The following LYPLAL1 variants were observed in gnomAD, a reference collection of about 807,000 sequenced individuals.
LYPLAL1 encodes the protein lysophospholipase-like protein 1.
A neutral mutation model predicts 19.7 loss-of-function variants in LYPLAL1; 23 were observed. The ratio of observed to expected loss-of-function variants is 1.17; its 90% CI spans 0.84 to 1.65. The LOEUF (loss-of-function observed/expected upper bound fraction) is 1.65, where lower values mean the gene tolerates loss of function less well. Among genes scored for constraint, LYPLAL1 ranks in the 40% most tolerant of loss-of-function variants. LYPLAL1 has a pLI of 0.00. For synonymous variants in LYPLAL1, 119 were observed against 96.3 expected, an observed-to-expected ratio of 1.24 and a Z score of -1.38; for missense variants, 355 against 279.4, an observed-to-expected ratio of 1.27 and a Z score of -1.93.
At chr1:219,196,147 G>A (rs1292120845) in intron 3 of LYPLAL1, among the ~76,000 whole-genome samples, 1 of 152,134 alleles carries the variant, frequency 6.6e-6, no homozygotes, top group Non-Finnish European at 1.5e-5. Context: ...ATGTGTGCAT[G>A]TATCTTTATA....
chr1:219,439,625 T>A, the LYPLAL1 span, among the ~76,000 whole-genome samples: 1 of 152,084 alleles, frequency 6.6e-6, no homozygotes, highest in African/African-American at 2.4e-5. Context: ...ACTCCTAGGA[T>A]TGGGCCACAC....
chr1:219,274,419 T>C, the LYPLAL1 span, among the ~76,000 whole-genome samples: 1 of 152,180 alleles, frequency 6.6e-6, no homozygotes, highest in South Asian at 2.1e-4. Flanking sequence ...GGAGTCTTGC[T>C]CTGTCTCCCA....
chr1:219,308,568 C>T, the LYPLAL1 span, among the ~76,000 whole-genome samples: 1 of 152,134 alleles, frequency 6.6e-6, no homozygotes, highest in Non-Finnish European at 1.5e-5. Context: ...GACTTGGTGC[C>T]CTGTGTCTCA....
chr1:219,232,878 AG>A, the LYPLAL1 span, among the ~76,000 whole-genome samples: 12 of 151,436 alleles, frequency 7.9e-5, no homozygotes, highest in African/African-American at 2.7e-4. Context: ...AAAAAAAAAA[AG>A]GAAAATAACA....
intron 2 of LYPLAL1, among the ~76,000 whole-genome samples, chr1:219,188,138 A>G (rs370604875): frequency 1.3e-5 from 2 of 151,820 alleles, no homozygotes; most frequent in East Asian, 3.9e-4. Flanking sequence ...TTTAGCATCT[A>G]TTCTATGTCA....
the LYPLAL1 span, among the ~76,000 whole-genome samples, chr1:219,430,375 A>G: frequency 6.7e-6 from 1 of 148,172 alleles, no homozygotes; most frequent in East Asian, 2.1e-4. Context: ...ATGCTTTGAG[A>G]GGTTACTTCG....
the LYPLAL1 span, among the ~76,000 whole-genome samples, chr1:219,370,815 G>T: frequency 5.8e-4 from 89 of 152,266 alleles, 1 homozygote; most frequent in Admixed American, 5.9e-4. Flanking sequence ...ATCACCCCAA[G>T]AAATTGGGCT....
chr1:219,384,052 C>T, the LYPLAL1 span, among the ~76,000 whole-genome samples: 1 of 152,160 alleles, frequency 6.6e-6, no homozygotes, highest in Non-Finnish European at 1.5e-5. Context: ...CCTTCACAGC[C>T]CATATGTCTT....
the LYPLAL1 span, among the ~76,000 whole-genome samples, chr1:219,317,300 C>T: frequency 3.3e-5 from 5 of 152,190 alleles, no homozygotes; most frequent in Non-Finnish European, 5.9e-5. Context: ...TCATCTTTCA[C>T]TATTTCGTGT....
the LYPLAL1 span, among the ~76,000 whole-genome samples, chr1:219,221,047 C>T: frequency 6.6e-6 from 1 of 152,176 alleles, no homozygotes; most frequent in Non-Finnish European, 1.5e-5. Flanking sequence ...CATTGCAAGA[C>T]AACCAGGTCA....
chr1:219,394,885 C>T, the LYPLAL1 span, among the ~76,000 whole-genome samples: 19 of 152,074 alleles, frequency 1.2e-4, no homozygotes, highest in Admixed American at 3.3e-4. Context: ...ATGTGGTATT[C>T]GACTTTCTGT....
the LYPLAL1 span, among the ~76,000 whole-genome samples, chr1:219,251,648 TG>T: frequency 6.6e-6 from 1 of 152,004 alleles, no homozygotes; most frequent in East Asian, 1.9e-4. Flanking sequence ...TGCCTCTTTT[TG>T]TATCAGTACC....
chr1:219,444,427 A>G, the LYPLAL1 span, among the ~76,000 whole-genome samples: 4 of 151,844 alleles, frequency 2.6e-5, no homozygotes, highest in African/African-American at 9.7e-5. Flanking sequence ...AAAAATATTT[A>G]CCTCCCTCCC....
chr1:219,267,299 A>G, the LYPLAL1 span, among the ~76,000 whole-genome samples: 1 of 152,148 alleles, frequency 6.6e-6, no homozygotes, highest in Non-Finnish European at 1.5e-5. Flanking sequence ...TACCCATCTC[A>G]TAAACTTAGT....
the LYPLAL1 span, among the ~76,000 whole-genome samples, chr1:219,306,430 C>A: frequency 6.6e-6 from 1 of 152,162 alleles, no homozygotes; most frequent in East Asian, 1.9e-4. Flanking sequence ...GAGTAAAGCA[C>A]ACTGCCATCC....
chr1:219,237,946 T>C, the LYPLAL1 span, among the ~76,000 whole-genome samples: 2 of 152,128 alleles, frequency 1.3e-5, no homozygotes, highest in African/African-American at 2.4e-5. Context: ...ATTGAATGAC[T>C]GAAGCCATGA....
At chr1:219,307,714 G>A in the LYPLAL1 span, among the ~76,000 whole-genome samples, 1 of 152,180 alleles carries the variant, frequency 6.6e-6, no homozygotes, top group Non-Finnish European at 1.5e-5. Context: ...GACACAATGG[G>A]AGATAGTTTG....
At chr1:219,304,743 G>C in the LYPLAL1 span, among the ~76,000 whole-genome samples, 2 of 152,170 alleles carry the variant, frequency 1.3e-5, no homozygotes, top group African/African-American at 4.8e-5. Context: ...AAAGGCACCA[G>C]ACCCTAGATT....
chr1:219,264,912 G>A, the LYPLAL1 span, among the ~76,000 whole-genome samples: 1 of 152,196 alleles, frequency 6.6e-6, no homozygotes, highest in African/African-American at 2.4e-5. Context: ...TATGATTTCA[G>A]TGCCTTATAC....
Sources: gnomAD v4.1 joint callset for allele counts (sites outside exome capture counted in the v4.1 genomes callset) on GRCh38, gnomAD v4.1.1 for gene constraint, MANE v1.5 for transcripts, NCBI Gene and HGNC (gene_info 2026-07-23, HGNC 2026-07-21) for gene names.